Variants in SUGCT observed in about 807,000 individuals in gnomAD.
SUGCT encodes the protein succinyl-CoA:glutarate CoA-transferase.
Under a neutral mutation model 55.0 loss-of-function variants are expected in SUGCT, and 41 were observed. The ratio of observed to expected loss-of-function variants is 0.74; its 90% CI spans 0.58 to 0.97. SUGCT has a LOEUF of 0.97. Among genes scored for constraint, SUGCT ranks in the 50% least tolerant of loss-of-function variants. The pLI is 0.00. For synonymous variants in SUGCT, 187 were observed against 200.4 expected (o/e 0.93, Z 0.56); for missense variants, 568 against 547.8 (o/e 1.04, Z -0.37).
chr7:40,638,417 A>G (rs1800115105), intron 12 of SUGCT, among the ~76,000 whole-genome samples: 1 of 152,186 alleles, frequency 6.6e-6, no homozygotes, highest in South Asian at 2.1e-4. Flanking sequence ...GTCTGCAGGC[A>G]GAGGTCATCT....
chr7:40,707,580 A>G (rs1307916944), intron 12 of SUGCT, among the ~76,000 whole-genome samples: 1 of 152,170 alleles, frequency 6.6e-6, no homozygotes, highest in African/African-American at 2.4e-5. Flanking sequence ...GGTCCTATGG[A>G]ACACAAATGT....
At chr7:40,940,222 T>C in the SUGCT span, among the ~76,000 whole-genome samples, 2 of 152,178 alleles carry the variant, frequency 1.3e-5, no homozygotes, top group African/African-American at 4.8e-5. Context: ...TCTATTCTGT[T>C]CCATTAGTCT....
chr7:40,183,584 G>A (rs1562559287), intron 3 of SUGCT, among the ~76,000 whole-genome samples: 1 of 152,110 alleles, frequency 6.6e-6, no homozygotes, highest in African/African-American at 2.4e-5. Flanking sequence ...TCCTGTCTCA[G>A]CCTTTCAGAA....
At chr7:40,623,015 C>A (rs1057458572) in intron 12 of SUGCT, among the ~76,000 whole-genome samples, 1 of 152,198 alleles carries the variant, frequency 6.6e-6, no homozygotes, top group African/African-American at 2.4e-5. Flanking sequence ...AACTCTTGGT[C>A]TGCTCTGACA....
chr7:40,185,628 T>A (rs1227165709), intron 3 of SUGCT, among the ~76,000 whole-genome samples: 3 of 152,212 alleles, frequency 2.0e-5, no homozygotes, highest in African/African-American at 7.2e-5. Context: ...GTTCAAATGA[T>A]TCTCCTGCCT....
chr7:40,683,928 G>A, intron 12 of SUGCT: 2 of 1,344,828 alleles, frequency 1.5e-6, no homozygotes, highest in Non-Finnish European at 1.0e-6. Context: ...CAAGGTGCTG[G>A]CAGATGTATT....
At chr7:40,737,924 C>CA (rs201968401) in intron 12 of SUGCT, among the ~76,000 whole-genome samples, 162 of 144,852 alleles carry the variant, frequency 1.1e-3, no homozygotes, top group African/African-American at 3.5e-3. Context: ...AACTCCGTCT[C>CA]AAAAAAAACA....
At chr7:40,911,875 G>A in the SUGCT span, among the ~76,000 whole-genome samples, 1 of 152,150 alleles carries the variant, frequency 6.6e-6, no homozygotes, top group Non-Finnish European at 1.5e-5. Context: ...ATGAACTCAT[G>A]CAGGAGGGAG....
intron 13 of SUGCT, among the ~76,000 whole-genome samples, chr7:40,773,087 C>G (rs867044337): frequency 1.4e-4 from 21 of 152,104 alleles, no homozygotes; most frequent in Middle Eastern, 6.8e-3. Flanking sequence ...ACTACAGGGG[C>G]ACATGGAATC....
intron 10 of SUGCT, among the ~76,000 whole-genome samples, chr7:40,456,582 A>G (rs1353551053): frequency 1.3e-5 from 2 of 152,124 alleles, no homozygotes; most frequent in East Asian, 1.9e-4. Flanking sequence ...ATATTATGGG[A>G]AAAAGTGGTC....
At chr7:40,345,345 TTTA>T (rs1797255914) in intron 9 of SUGCT, among the ~76,000 whole-genome samples, 1 of 152,210 alleles carries the variant, frequency 6.6e-6, no homozygotes, top group South Asian at 2.1e-4. Flanking sequence ...CACAAATATT[TTTA>T]TTCTTGTATT....
At chr7:40,574,136 G>A (rs1161252578) in intron 12 of SUGCT, among the ~76,000 whole-genome samples, 1 of 152,030 alleles carries the variant, frequency 6.6e-6, no homozygotes, top group Admixed American at 6.6e-5. Context: ...GAGTCTCTGT[G>A]CAAAGCAAAA....
At chr7:40,197,424 A>G (rs1354671592) in intron 6 of SUGCT, among the ~76,000 whole-genome samples, 3 of 152,234 alleles carry the variant, frequency 2.0e-5, no homozygotes, top group African/African-American at 7.2e-5. Flanking sequence ...GCAAAATGCT[A>G]TATGACAATA....
intron 7 of SUGCT, among the ~76,000 whole-genome samples, chr7:40,262,096 G>A (rs1358777258): frequency 6.6e-6 from 1 of 152,172 alleles, no homozygotes; most frequent in Non-Finnish European, 1.5e-5. Flanking sequence ...TTTTCAGTCA[G>A]TAGACAAGAA....
At chr7:41,005,028 C>CAACT in the SUGCT span, among the ~76,000 whole-genome samples, 1 of 152,154 alleles carries the variant, frequency 6.6e-6, no homozygotes, top group Non-Finnish European at 1.5e-5. Flanking sequence ...AAATGGCAAG[C>CAACT]AACTGCGTAC....
chr7:40,669,346 CAAAAA>C lies in SUGCT; in HGVS notation c.1090-80069_1090-80065del, dbSNP rs33947436. ...CATAATACCCAAATTGTGTAAGCTT[CAAAAA>C]AAAAAAAAAAAAAAAAAATTACTCA... is the stretch of plus-strand genomic sequence containing the variant. On this transcript the variant is annotated intron_variant, in intron 12 of 13. Coordinates refer to ENST00000335693, the MANE Select transcript of SUGCT (RefSeq NM_001193313.2). 9.9e-3 allele frequency among the ~76,000 whole-genome samples: 901 copies of C among 90,764 alleles called. 12 individuals are homozygous for C. Among genetic ancestry groups the C allele is most frequent in the African/African-American group, 0.025 (697 of 28,408 alleles). 59.5% of individuals were successfully genotyped at this position (90,764 alleles called of 152,430 possible). A position where few individuals can be genotyped will look rare whatever the true frequency, so the allele number is the denominator to read the frequency against.
At chr7:40,804,585 T>A (rs982639434) in intron 13 of SUGCT, among the ~76,000 whole-genome samples, 1 of 149,124 alleles carries the variant, frequency 6.7e-6, no homozygotes, top group Non-Finnish European at 1.5e-5. Context: ...AAAAAAAAAA[T>A]ACTTTCAATG....
intron 9 of SUGCT, among the ~76,000 whole-genome samples, chr7:40,323,446 C>T (rs1795852518): frequency 6.6e-6 from 1 of 152,180 alleles, no homozygotes; most frequent in African/African-American, 2.4e-5. Flanking sequence ...GTTGTCCAGG[C>T]TGGAGTAGTG....
intron 13 of SUGCT, among the ~76,000 whole-genome samples, chr7:40,764,667 C>T (rs1788691452): frequency 6.6e-6 from 1 of 151,942 alleles, no homozygotes; most frequent in African/African-American, 2.4e-5. Flanking sequence ...CAATATAATC[C>T]CAAAGATTAT....
Sources: gnomAD v4.1 joint callset for allele counts (sites outside exome capture counted in the v4.1 genomes callset) on GRCh38, gnomAD v4.1.1 for gene constraint, MANE v1.5 for transcripts, NCBI Gene and HGNC (gene_info 2026-07-23, HGNC 2026-07-21) for gene names.